Variants in PAPPA observed in about 807,000 individuals in gnomAD.
PAPPA encodes pappalysin-1.
Under a neutral mutation model 164.0 loss-of-function variants are expected in PAPPA, and 60 were observed. The ratio of observed to expected loss-of-function variants is 0.37; its 90% CI spans 0.30 to 0.45. PAPPA has a LOEUF of 0.45. Among genes scored for constraint, PAPPA ranks in the 20% least tolerant of loss-of-function variants. The probability of loss-of-function intolerance (pLI) is 1.00; values close to 1 mark genes in which losing one functional copy is unlikely to be tolerated. For missense variants in PAPPA, 1,782 were observed against 2,087.3 expected, an observed-to-expected ratio of 0.85 and a Z score of 2.85; for synonymous variants, 875 against 814.1, an observed-to-expected ratio of 1.07 and a Z score of -1.27.
chr9:116,276,863 C>T (rs912423662), intron 9 of PAPPA, among the ~76,000 whole-genome samples: 3 of 152,246 alleles, frequency 2.0e-5, no homozygotes, highest in Non-Finnish European at 4.4e-5. Flanking sequence ...TGAGGGACAT[C>T]GAGGAGAGGA....
At chr9:116,261,037 T>A (rs1318687300) in intron 7 of PAPPA, among the ~76,000 whole-genome samples, 3 of 152,200 alleles carry the variant, frequency 2.0e-5, no homozygotes, top group Non-Finnish European at 4.4e-5. Flanking sequence ...CCCTACTCCA[T>A]GACAAAAATA....
At chr9:116,243,140 T>C (rs571231274) in intron 7 of PAPPA, among the ~76,000 whole-genome samples, 3 of 152,330 alleles carry the variant, frequency 2.0e-5, no homozygotes, top group South Asian at 2.1e-4. Flanking sequence ...ATAGCATTTA[T>C]GCAGAAGTTA....
At chr9:116,377,167 T>C (rs1400395573) in intron 19 of PAPPA, among the ~76,000 whole-genome samples, 1 of 151,914 alleles carries the variant, frequency 6.6e-6, no homozygotes, top group Non-Finnish European at 1.5e-5. Context: ...GTCACACACA[T>C]GTATGCACAC....
intron 10 of PAPPA, among the ~76,000 whole-genome samples, chr9:116,308,395 C>A (rs538182068): frequency 8.5e-5 from 13 of 152,330 alleles, no homozygotes; most frequent in African/African-American, 2.4e-4. Context: ...ATAAAAATAG[C>A]ATTTATCAAC....
chr9:116,154,589 T>C lies in PAPPA; in HGVS notation c.415+2T>C. ...AGAGGTCTCCGGCAGTGATCACAGG[T>C]AGGTGAGGGCGCCTCGGCGGGCGCT... On this transcript the variant is annotated splice_donor_variant, in intron 1 of 21. Coordinates refer to ENST00000328252, the MANE Select transcript of PAPPA (RefSeq NM_002581.5). LOFTEE classifies it high-confidence loss of function. This position sits in a 1 kb window ranked among gnomAD's most constrained non-coding sequence, Gnocchi z 5.2. The C allele has an allele frequency of 7.4e-7, 1 of 1,353,816 alleles. No individual in the cohort carries two copies. Among genetic ancestry groups the C allele is most frequent in the Non-Finnish European group, 9.5e-7 (1 of 1,053,974 alleles). 83.9% of individuals were successfully genotyped at this position (1,353,816 alleles called of 1,614,324 possible).
intron 17 of PAPPA, among the ~76,000 whole-genome samples, chr9:116,358,076 T>A (rs1846376771): frequency 6.6e-6 from 1 of 152,174 alleles, no homozygotes; most frequent in Admixed American, 6.5e-5. Context: ...GTTAAATGTT[T>A]GGCCAAGCAC....
At chr9:116,184,893 G>A (rs1843951190) in intron 1 of PAPPA, among the ~76,000 whole-genome samples, 1 of 152,154 alleles carries the variant, frequency 6.6e-6, no homozygotes, top group African/African-American at 2.4e-5. Context: ...GTGCTGGAGA[G>A]GTTACTGGAA....
chr9:116,267,168 ACT>A (rs1845077785), intron 8 of PAPPA, among the ~76,000 whole-genome samples: 1 of 152,210 alleles, frequency 6.6e-6, no homozygotes, highest in Non-Finnish European at 1.5e-5. Context: ...ACATTAGATG[ACT>A]CTTTCTTTCT....
chr9:116,192,757 G>A (rs925603182), intron 2 of PAPPA, among the ~76,000 whole-genome samples: 4 of 152,154 alleles, frequency 2.6e-5, no homozygotes, highest in Non-Finnish European at 5.9e-5. Flanking sequence ...AGGGAGGCAG[G>A]ACTTCATCTG....
intron 15 of PAPPA, among the ~76,000 whole-genome samples, chr9:116,349,435 T>C (rs758351256): frequency 1.1e-4 from 16 of 152,154 alleles, no homozygotes; most frequent in Non-Finnish European, 1.0e-4. Flanking sequence ...GTAACGAATA[T>C]ACAAGATACA....
chr9:116,243,503 T>C (rs1222037204), intron 7 of PAPPA, among the ~76,000 whole-genome samples: 1 of 152,156 alleles, frequency 6.6e-6, no homozygotes, highest in Admixed American at 6.6e-5. Context: ...AGGTCATTGA[T>C]TTAAGGTCCC....
chr9:116,291,700 A>G (rs1192733210), intron 9 of PAPPA, among the ~76,000 whole-genome samples: 2 of 152,158 alleles, frequency 1.3e-5, no homozygotes, highest in African/African-American at 2.4e-5. Context: ...TTTAAACATG[A>G]CATAATATAG....
intron 1 of PAPPA, among the ~76,000 whole-genome samples, chr9:116,156,183 C>A: frequency 6.7e-6 from 1 of 150,210 alleles, no homozygotes; most frequent in South Asian, 2.1e-4. Flanking sequence ...GGAAGGCATT[C>A]CCTGGAGAGA....
intron 7 of PAPPA, among the ~76,000 whole-genome samples, chr9:116,251,993 T>C (rs1844866164): frequency 6.6e-6 from 1 of 152,220 alleles, no homozygotes; most frequent in Admixed American, 6.5e-5. Context: ...TTCTATTTTG[T>C]TTTATTGCAC....
intron 18 of PAPPA, among the ~76,000 whole-genome samples, chr9:116,363,327 C>T (rs1363962448): frequency 2.0e-5 from 3 of 152,148 alleles, no homozygotes; most frequent in African/African-American, 7.2e-5. Context: ...AATCCTGAGA[C>T]CCATCCTATT....
In PAPPA at chr9:116,353,602, G is replaced by A. The variant is rs370127138; in HGVS notation, c.4176-20G>A. Reference sequence around the variant, plus strand: ...CCATTTGGTCCTTGAGATGTCTCCTGTTTGATCCTTTCCTTGAAGACGGGC... The same window carrying A: ...CCATTTGGTCCTTGAGATGTCTCCTATTTGATCCTTTCCTTGAAGACGGGC... On this transcript the variant is annotated intron_variant, in intron 16 of 21. Coordinates refer to ENST00000328252, the MANE Select transcript of PAPPA (RefSeq NM_002581.5). 2.5e-6 allele frequency: 4 copies of A among 1,610,672 alleles called. No homozygotes were observed. The highest frequency in any genetic ancestry group is 1.3e-5 in the African/African-American group (1 of 74,876).
intron 9 of PAPPA, among the ~76,000 whole-genome samples, chr9:116,299,854 G>A (rs578139849): frequency 2.0e-5 from 3 of 148,392 alleles, no homozygotes; most frequent in South Asian, 2.2e-4. Flanking sequence ...CTGCAACAAC[G>A]CTGGGTAAAT....
chr9:116,243,431 A>G (rs993932775), intron 7 of PAPPA, among the ~76,000 whole-genome samples: 9 of 152,182 alleles, frequency 5.9e-5, no homozygotes, highest in Admixed American at 3.3e-4. Context: ...AAGTCTACCA[A>G]TGGTGTTTAG....
intron 7 of PAPPA, among the ~76,000 whole-genome samples, chr9:116,239,922 C>A (rs1271108875): frequency 6.6e-6 from 1 of 152,100 alleles, no homozygotes; most frequent in Non-Finnish European, 1.5e-5. Flanking sequence ...TCTTGGTGTC[C>A]AATAACACAA....
Sources: gnomAD v4.1 joint callset for allele counts (sites outside exome capture counted in the v4.1 genomes callset) on GRCh38, gnomAD v4.1.1 for gene constraint, Gnocchi (gnomAD v3.1) non-coding constraint, MANE v1.5 for transcripts, NCBI Gene and HGNC (gene_info 2026-07-23, HGNC 2026-07-21) for gene names.